Variants in CRTAC1 observed in about 807,000 individuals in gnomAD.
The protein encoded by CRTAC1 is acidic secreted protein in cartilage.
In CRTAC1, 37 loss-of-function variants were observed where a neutral mutation model predicts 67.8. The observed-to-expected ratio is 0.55, with a 90% CI of 0.42 to 0.72. The LOEUF (loss-of-function observed/expected upper bound fraction) is 0.72. Ranked by LOEUF, CRTAC1 falls within the 30% of genes least tolerant of loss-of-function variation. CRTAC1 has a pLI of 0.00. For synonymous variants in CRTAC1, 348 were observed against 371.0 expected (o/e 0.94, Z 0.71); for missense variants, 780 against 931.6 (o/e 0.84, Z 2.12).
intron 11 of CRTAC1, among the ~76,000 whole-genome samples, chr10:97,890,117 A>T (rs998455226): frequency 2.1e-5 from 3 of 141,684 alleles, no homozygotes; most frequent in Non-Finnish European, 4.7e-5. Context: ...ACACACACAC[A>T]CTCTCACACG....
chr10:97,991,524 A>C (rs1175132638), intron 2 of CRTAC1, among the ~76,000 whole-genome samples: 1 of 152,180 alleles, frequency 6.6e-6, no homozygotes, highest in Non-Finnish European at 1.5e-5. Context: ...TTCTAAGACA[A>C]GGGTTGGTCC....
At chr10:97,992,921 G>A (rs547966252) in intron 2 of CRTAC1, among the ~76,000 whole-genome samples, 1 of 152,344 alleles carries the variant, frequency 6.6e-6, no homozygotes, top group East Asian at 1.9e-4. Context: ...AAATCACTAA[G>A]AGAGTAGATT....
intron 3 of CRTAC1, 34 bp downstream of exon 3, chr10:97,936,136 G>C (rs1177962936): frequency 6.5e-7 from 1 of 1,548,328 alleles, no homozygotes; most frequent in East Asian, 2.3e-5. Context: ...GGAGAAGATG[G>C]GAAGCAGGAA....
chr10:98,022,803 G>T (rs1454298495), intron 1 of CRTAC1, among the ~76,000 whole-genome samples: 1 of 152,096 alleles, frequency 6.6e-6, no homozygotes. Flanking sequence ...TAGACTTCAG[G>T]CAGCAGTGTG....
intron 2 of CRTAC1, among the ~76,000 whole-genome samples, chr10:97,963,665 GAAGGTAGTAT>G (rs1185104216): frequency 6.6e-6 from 1 of 152,184 alleles, no homozygotes; most frequent in Non-Finnish European, 1.5e-5. Context: ...AATTCCTCAG[GAAGGTAGTAT>G]AATGCTTATT....
intron 2 of CRTAC1, among the ~76,000 whole-genome samples, chr10:97,939,144 C>A (rs531098258): frequency 6.6e-6 from 1 of 152,168 alleles, no homozygotes; most frequent in Non-Finnish European, 1.5e-5. Context: ...TTCACCACCC[C>A]CTGAAGCCAG....
At chr10:97,924,393 T>C (rs2050884051) in intron 3 of CRTAC1, among the ~76,000 whole-genome samples, 2 of 151,990 alleles carry the variant, frequency 1.3e-5, no homozygotes, top group East Asian at 3.9e-4. Context: ...GAAGGTGAGG[T>C]TGAGGAAGAG....
At chr10:97,961,621 G>A (rs2051527367) in intron 2 of CRTAC1, among the ~76,000 whole-genome samples, 1 of 152,042 alleles carries the variant, frequency 6.6e-6, no homozygotes, top group Non-Finnish European at 1.5e-5. Context: ...ACCTCTATAG[G>A]GCCTTATGAC....
intron 14 of CRTAC1, chr10:97,875,993 G>C (rs757219663): frequency 1.3e-5 from 2 of 152,194 alleles, no homozygotes; most frequent in Non-Finnish European, 2.9e-5. Context: ...GGGGACTCTC[G>C]ACATTAGCAA....
At position 97,895,495 on chromosome 10, in the gene CRTAC1, G is replaced by T; in HGVS notation, c.1318-82C>A. ...AGCAGGGAGCCAGGGAGGACGGGAGGGGGAGAGGGAGAAGAAGGAGGAAGA... is the reference window on the plus strand; with the variant it reads ...AGCAGGGAGCCAGGGAGGACGGGAGTGGGAGAGGGAGAAGAAGGAGGAAGA... On this transcript the variant is annotated intron_variant, in intron 10 of 14. Transcript: ENST00000370597. This position sits in a 1 kb window ranked among gnomAD's most constrained non-coding sequence, Gnocchi z 4.2. 2 of 1,267,496 alleles carry T rather than the reference G, an allele frequency of 1.6e-6. No homozygotes were observed. The highest frequency in any genetic ancestry group is 2.2e-6 in the Non-Finnish European group (2 of 919,966). The allele number at this position is 1,267,496 out of a possible 1,614,324, so 78.5% of individuals were successfully genotyped here.
At chr10:97,952,494 T>C (rs932257426) in intron 2 of CRTAC1, among the ~76,000 whole-genome samples, 12 of 135,486 alleles carry the variant, frequency 8.9e-5, no homozygotes, top group African/African-American at 3.2e-4. Context: ...GTCAAGATCA[T>C]GCCATTGCAC....
At chr10:97,958,371 T>C (rs772443407) in intron 2 of CRTAC1, among the ~76,000 whole-genome samples, 1 of 152,218 alleles carries the variant, frequency 6.6e-6, no homozygotes, top group Non-Finnish European at 1.5e-5. Flanking sequence ...TGGGGAATGT[T>C]AGAAATTAGT....
chr10:98,001,436 T>C (rs1437523874), intron 2 of CRTAC1, among the ~76,000 whole-genome samples: 1 of 152,160 alleles, frequency 6.6e-6, no homozygotes, highest in African/African-American at 2.4e-5. Flanking sequence ...TAAAGTGTCA[T>C]TGGCAATAAG....
At chr10:97,878,745 G>A (rs745420839) in intron 14 of CRTAC1, 13 of 1,297,458 alleles carry the variant, frequency 1.0e-5, no homozygotes, top group East Asian at 1.1e-4. Context: ...AGACATTGAG[G>A]AGTCTTAGAA....
At chr10:97,946,318 G>T (rs1205506771) in intron 2 of CRTAC1, among the ~76,000 whole-genome samples, 1 of 152,186 alleles carries the variant, frequency 6.6e-6, no homozygotes, top group East Asian at 1.9e-4. Context: ...CCAGGATGTG[G>T]TCAGCACTTC....
intron 2 of CRTAC1, among the ~76,000 whole-genome samples, chr10:97,944,432 CAA>C (rs112843013): frequency 9.5e-5 from 13 of 136,180 alleles, no homozygotes; most frequent in African/African-American, 2.9e-4. Context: ...AACTCCATCT[CAA>C]AAAAAAAAAA....
intron 8 of CRTAC1, among the ~76,000 whole-genome samples, chr10:97,899,362 C>G (rs188204113): frequency 7.9e-5 from 12 of 152,196 alleles, no homozygotes; most frequent in African/African-American, 2.7e-4. Context: ...GGCCAGCCTG[C>G]CTTGTCCTTC....
intron 3 of CRTAC1, among the ~76,000 whole-genome samples, chr10:97,926,981 G>A (rs566573761): frequency 2.0e-5 from 3 of 152,296 alleles, no homozygotes; most frequent in Admixed American, 6.5e-5. Flanking sequence ...CTTCCAGCTA[G>A]CTTCATCCCT....
chr10:97,927,913 C>T (rs141758989), intron 3 of CRTAC1, among the ~76,000 whole-genome samples: 5 of 152,334 alleles, frequency 3.3e-5, no homozygotes, highest in Non-Finnish European at 7.3e-5. Flanking sequence ...GCATGCAGTC[C>T]TGCCTTCTGG....
Sources: gnomAD v4.1 joint callset for allele counts (sites outside exome capture counted in the v4.1 genomes callset) on GRCh38, gnomAD v4.1.1 for gene constraint, Gnocchi (gnomAD v3.1) non-coding constraint, MANE v1.5 for transcripts, NCBI Gene and HGNC (gene_info 2026-07-23, HGNC 2026-07-21) for gene names.